Variants in SH3RF1 observed in about 807,000 individuals in gnomAD.
SH3RF1 encodes E3 ubiquitin-protein ligase SH3RF1.
In SH3RF1, 32 loss-of-function variants were observed where a neutral mutation model predicts 74.0. The observed-to-expected ratio is 0.43, with a 90% CI of 0.33 to 0.58. SH3RF1 has a LOEUF of 0.58. SH3RF1 is among the 20% of genes least tolerant of loss of function. The pLI is 0.05. For missense variants in SH3RF1, 954 were observed against 1,130.9 expected (o/e 0.84, Z 2.24); for synonymous variants, 396 against 439.6 (o/e 0.90, Z 1.24).
intron 2 of SH3RF1, among the ~76,000 whole-genome samples, chr4:169,213,139 T>C (rs1730408163): frequency 6.6e-6 from 1 of 152,240 alleles, no homozygotes; most frequent in African/African-American, 2.4e-5. Flanking sequence ...TGTACCATTC[T>C]GCATTTCCAC....
intron 2 of SH3RF1, among the ~76,000 whole-genome samples, chr4:169,255,784 T>C (rs1314882659): frequency 6.6e-6 from 1 of 152,064 alleles, no homozygotes; most frequent in Non-Finnish European, 1.5e-5. Flanking sequence ...TTTTTCTTTT[T>C]GAGTCAAGAG....
intron 2 of SH3RF1, among the ~76,000 whole-genome samples, chr4:169,180,137 A>G (rs963495657): frequency 6.6e-6 from 1 of 152,246 alleles, no homozygotes; most frequent in Non-Finnish European, 1.5e-5. Context: ...AGCAAAGGCT[A>G]AAGAAACAAA....
chr4:169,231,597 T>A (rs904496098), intron 2 of SH3RF1, among the ~76,000 whole-genome samples: 2 of 151,594 alleles, frequency 1.3e-5, no homozygotes, highest in Non-Finnish European at 2.9e-5. Flanking sequence ...AATAAATAAA[T>A]AAAAAGGAAA....
At chr4:169,204,795 C>T (rs1440529509) in intron 2 of SH3RF1, among the ~76,000 whole-genome samples, 6 of 152,092 alleles carry the variant, frequency 3.9e-5, no homozygotes, top group Non-Finnish European at 8.8e-5. Context: ...GTGATCCACC[C>T]GCCTCGGCCT....
intron 4 of SH3RF1, among the ~76,000 whole-genome samples, chr4:169,155,158 T>C (rs1734031147): frequency 6.6e-6 from 1 of 152,212 alleles, no homozygotes; most frequent in African/African-American, 2.4e-5. Context: ...AAGAACTTTA[T>C]CAACTTTCTA....
In SH3RF1 at chr4:169,269,277, G is replaced by T; in HGVS notation, c.-65C>A. 6.8e-7 allele frequency: 1 copy of T among 1,475,586 alleles called. No individual in the cohort carries two copies. The highest frequency in any genetic ancestry group is 1.4e-5 in the South Asian group (1 of 73,106). 91.4% of individuals were successfully genotyped at this position (1,475,586 alleles called of 1,614,324 possible). On this transcript the variant is annotated 5_prime_UTR_variant, in exon 2 of 12. An upstream open reading frame in the 5' UTR gains an earlier in-frame stop. Coordinates refer to ENST00000284637, the MANE Select transcript of SH3RF1 (RefSeq NM_020870.4). ...CATAGTTGTGTGCATCCCTTAAAAT[G>T]ACTCATGTAACATCCATTTCAGACT...
In SH3RF1 at chr4:169,136,572, G is replaced by C. The variant is rs1186672064; in HGVS notation, c.814C>G (p.Pro272Ala). The C allele has an allele frequency of 6.3e-7, 1 of 1,592,970 alleles. No individual in the cohort carries two copies. The change falls in exon 5 of 12, where the codon CCA becomes GCA. Residue 272 changes from proline (P) to alanine (A), a missense_variant. Transcript: ENST00000284637. Reference sequence around the variant, plus strand: ...GAACATTCTCCAGCATCAACTCCTGGCACAGGAGGCTTATCCCATTCTATC... The same window carrying C: ...GAACATTCTCCAGCATCAACTCCTGCCACAGGAGGCTTATCCCATTCTATC... ...QLIEWDKPPV[P>A]GVDAGECSSA...
intron 2 of SH3RF1, chr4:169,166,995 T>C: frequency 4.5e-6 from 1 of 221,962 alleles, no homozygotes. Context: ...CAGTGCAAGG[T>C]TGATCAGAAA....
At chr4:169,149,854 T>A (rs1035192601) in intron 4 of SH3RF1, among the ~76,000 whole-genome samples, 4 of 152,332 alleles carry the variant, frequency 2.6e-5, no homozygotes, top group Non-Finnish European at 4.4e-5. Context: ...CTATCATTAT[T>A]CTCAAGAGGA....
intron 2 of SH3RF1, among the ~76,000 whole-genome samples, chr4:169,182,595 T>G (rs1734528918): frequency 1.3e-5 from 2 of 152,208 alleles, no homozygotes; most frequent in South Asian, 4.1e-4. Flanking sequence ...TTTGGGGATT[T>G]CAGATCCAAC....
intron 2 of SH3RF1, among the ~76,000 whole-genome samples, chr4:169,240,611 C>A (rs1021012075): frequency 6.6e-6 from 1 of 152,128 alleles, no homozygotes; most frequent in Admixed American, 6.5e-5. Context: ...TAAATTGTAT[C>A]TATTTGCAGT....
Position 169,144,254 on chromosome 4 carries a change from A to G in SH3RF1, c.766-7634T>C, listed in dbSNP as rs558279635. Among the ~76,000 whole-genome samples, 3 of 152,330 alleles carry G rather than the reference A, an allele frequency of 2.0e-5. No homozygotes were observed. In the South Asian group the frequency reaches 6.2e-4, roughly 32 times the overall value. On this transcript the variant is annotated intron_variant, in intron 4 of 11. Transcript: ENST00000284637. Reference sequence around the variant, plus strand: ...TTTGTTGACTTGGGCAAGTCATTTGACCTTGGGTATGCCTCCCATTTCTCA... The same window carrying G: ...TTTGTTGACTTGGGCAAGTCATTTGGCCTTGGGTATGCCTCCCATTTCTCA...
chr4:169,224,777 G>A (rs186641976), intron 2 of SH3RF1, among the ~76,000 whole-genome samples: 207 of 152,306 alleles, frequency 1.4e-3, no homozygotes, highest in Non-Finnish European at 2.1e-3. Flanking sequence ...AATAAGATGA[G>A]GGAGATCTTG....
At chr4:169,234,681 T>C (rs1387356663) in intron 2 of SH3RF1, among the ~76,000 whole-genome samples, 2 of 152,212 alleles carry the variant, frequency 1.3e-5, no homozygotes, top group African/African-American at 2.4e-5. Context: ...CCATTTCCAA[T>C]AGATCACTAC....
chr4:169,252,054 G>A (rs1014215764), intron 2 of SH3RF1, among the ~76,000 whole-genome samples: 3 of 152,144 alleles, frequency 2.0e-5, no homozygotes, highest in East Asian at 1.9e-4. Flanking sequence ...GGTATGTTCC[G>A]CAGCGACTCA....
At chr4:169,192,527 C>T (rs981595593) in intron 2 of SH3RF1, among the ~76,000 whole-genome samples, 1 of 152,074 alleles carries the variant, frequency 6.6e-6, no homozygotes, top group Admixed American at 6.6e-5. Context: ...AACACTTCTA[C>T]ACTGCTGATG....
chr4:169,236,377 A>G (rs561009222), intron 2 of SH3RF1, among the ~76,000 whole-genome samples: 15 of 152,286 alleles, frequency 9.8e-5, no homozygotes, highest in Non-Finnish European at 2.1e-4. Flanking sequence ...TAATGACTAT[A>G]ATGAGCGGTG....
chr4:169,208,335 G>A (rs891611209), intron 2 of SH3RF1, among the ~76,000 whole-genome samples: 1 of 151,872 alleles, frequency 6.6e-6, no homozygotes, highest in South Asian at 2.1e-4. Flanking sequence ...AACACATTGT[G>A]CCCTCATTTT....
intron 2 of SH3RF1, among the ~76,000 whole-genome samples, chr4:169,261,470 T>C (rs1731277463): frequency 6.6e-6 from 1 of 152,108 alleles, no homozygotes; most frequent in African/African-American, 2.4e-5. Flanking sequence ...AGGAAGCATT[T>C]GGGATCAGAA....
Sources: gnomAD v4.1 joint callset for allele counts (sites outside exome capture counted in the v4.1 genomes callset) on GRCh38, gnomAD v4.1.1 for gene constraint, MANE v1.5 for transcripts, NCBI Gene and HGNC (gene_info 2026-07-23, HGNC 2026-07-21) for gene names.